SESN2: variants seen among roughly 807,000 people sequenced by gnomAD.
SESN2 encodes the protein sestrin 2.
Under a neutral mutation model 56.0 loss-of-function variants are expected in SESN2, and 42 were observed. The ratio of observed to expected loss-of-function variants is 0.75; its 90% CI spans 0.59 to 0.97. SESN2 has a LOEUF of 0.97. Ranked by LOEUF, SESN2 falls within the 50% of genes least tolerant of loss-of-function variation. SESN2 has a pLI of 0.00. For missense variants in SESN2, 507 were observed against 649.4 expected, an observed-to-expected ratio of 0.78 and a Z score of 2.38; for synonymous variants, 264 against 267.1, an observed-to-expected ratio of 0.99 and a Z score of 0.11.
intron 8 of SESN2, among the ~76,000 whole-genome samples, chr1:28,275,900 A>T (rs1285077352): frequency 6.6e-6 from 1 of 152,060 alleles, no homozygotes; most frequent in Non-Finnish European, 1.5e-5. Flanking sequence ...ACAAAAAATT[A>T]AAAAATTTGC....
At position 28,282,412 on chromosome 1, in the gene SESN2, T is replaced by G. The variant is rs553471091; in HGVS notation, c.*1610T>G. ...TGGGTGGGTAGGGAGTGGTATCCAG[T>G]GTTCAAGTGCAGAAATCTTTGGCTT... On this transcript the variant is annotated 3_prime_UTR_variant, in exon 10 of 10. Coordinates refer to ENST00000253063, the MANE Select transcript of SESN2 (RefSeq NM_031459.5). 6.6e-6 allele frequency: 1 copy of G among 152,376 alleles called. No individual in the cohort carries two copies. Among genetic ancestry groups the G allele is most frequent in the South Asian group, 2.1e-4 (1 of 4,828 alleles). 9.4% of individuals were successfully genotyped at this position (152,376 alleles called of 1,614,324 possible). A position where few individuals can be genotyped will look rare whatever the true frequency, so the allele number is the denominator to read the frequency against.
chr1:28,260,150 CCCCTCCTCCCT>C (rs1421807279), intron 1 of SESN2, among the ~76,000 whole-genome samples: 1 of 147,960 alleles, frequency 6.8e-6, no homozygotes, highest in Admixed American at 6.7e-5. Flanking sequence ...CCTCCCTCTC[CCCCTCCTCCCT>C]CCCTCTCCCC....
intron 1 of SESN2, among the ~76,000 whole-genome samples, chr1:28,268,436 T>G (rs1212159128): frequency 6.6e-6 from 1 of 151,736 alleles, no homozygotes; most frequent in Admixed American, 6.6e-5. Flanking sequence ...GAGGCTGAGG[T>G]GGGCGGATCA....
Position 28,259,602 on chromosome 1 carries a change from C to A in SESN2, c.-246C>A. Reference sequence around the variant, plus strand: ...CTGCGGACTTCCGAGGCCGTGAAAACCCCTGCGCTGCGGCCCTTCCCAGGC... The same window carrying A: ...CTGCGGACTTCCGAGGCCGTGAAAAACCCTGCGCTGCGGCCCTTCCCAGGC... On this transcript the variant is annotated 5_prime_UTR_variant, in exon 1 of 10. Transcript: ENST00000253063. 1 of 419,710 alleles carries A rather than the reference C, an allele frequency of 2.4e-6. No individual in the cohort carries two copies. The highest frequency in any genetic ancestry group is 5.3e-5 in the South Asian group (1 of 18,694). 26.0% of individuals were successfully genotyped at this position (419,710 alleles called of 1,614,324 possible).
Position 28,272,564 on chromosome 1 carries a change from C to G in SESN2, c.538-17C>G. ...CAGGCACTGAGCAGCTCTGACCTCC[C>G]CCCTTGTCCCTTCCAGGCCTTGCTG... On this transcript the variant is annotated splice_polypyrimidine_tract_variant and intron_variant, in intron 4 of 9. Transcript: ENST00000253063. 2.5e-6 allele frequency: 4 copies of G among 1,613,456 alleles called. No homozygotes were observed. The highest frequency in any genetic ancestry group is 3.4e-6 in the Non-Finnish European group (4 of 1,179,564).
intron 9 of SESN2, among the ~76,000 whole-genome samples, chr1:28,279,854 T>G (rs992906576): frequency 6.6e-6 from 1 of 151,456 alleles, no homozygotes; most frequent in Non-Finnish European, 1.5e-5. Context: ...TCTGAGCTTT[T>G]TATCCTGTTT....
At chr1:28,279,075 C>T in intron 8 of SESN2, 22 bp from the exon 9 acceptor site, 1 of 1,613,474 alleles carries the variant, frequency 6.2e-7, no homozygotes, top group Non-Finnish European at 8.5e-7. Context: ...ATGAGTAATG[C>T]TGCTGGGACC....
At chr1:28,271,330 C>CTTTT (rs1322769946) in intron 2 of SESN2, among the ~76,000 whole-genome samples, 1 of 152,198 alleles carries the variant, frequency 6.6e-6, no homozygotes, top group Non-Finnish European at 1.5e-5. Context: ...GGAGGAGAAA[C>CTTTT]TGTACTTTTA....
In SESN2 at chr1:28,281,053, T is replaced by C; in HGVS notation, c.*251T>C. On this transcript the variant is annotated 3_prime_UTR_variant, in exon 10 of 10. Transcript: ENST00000253063. ...TGGAGATCCTAAGGGACCACACCCTTCCTCCTTCCCCTGCCCACAGAGGCA... is the reference window on the plus strand; with the variant it reads ...TGGAGATCCTAAGGGACCACACCCTCCCTCCTTCCCCTGCCCACAGAGGCA... 1 of 431,422 alleles carries C rather than the reference T, an allele frequency of 2.3e-6. No individual in the cohort carries two copies. The highest frequency in any genetic ancestry group is 4.2e-6 in the Non-Finnish European group (1 of 240,048). 26.7% of individuals were successfully genotyped at this position (431,422 alleles called of 1,614,324 possible).
At chr1:28,269,971 G>C (rs1276394153) in intron 2 of SESN2, among the ~76,000 whole-genome samples, 1 of 152,200 alleles carries the variant, frequency 6.6e-6, no homozygotes, top group African/African-American at 2.4e-5. Flanking sequence ...ATTCTAGTGT[G>C]TTGGGATAGT....
In SESN2 at chr1:28,274,890, GC is replaced by G. The variant is rs1192152811; in HGVS notation, c.1087del (p.Leu363TrpfsTer51). On this transcript the variant is annotated frameshift_variant, in exon 8 of 10. Coordinates refer to ENST00000253063, the MANE Select transcript of SESN2 (RefSeq NM_031459.5). LOFTEE classifies it high-confidence loss of function. ...QRLYPEGGQL[L>X]DEKFQAAYSL... Reference sequence around the variant, plus strand: ...GGCTTTACCCTGAGGGTGGGCAGCTGCTGGATGAGAAGTTCCAGGCAGCCTA... The same window carrying G: ...GGCTTTACCCTGAGGGTGGGCAGCTGTGGATGAGAAGTTCCAGGCAGCCTA... The G allele has an allele frequency of 6.2e-7, 1 of 1,614,188 alleles. No homozygotes were observed. The highest frequency in any genetic ancestry group is 2.2e-5 in the East Asian group (1 of 44,884).
intron 1 of SESN2, among the ~76,000 whole-genome samples, chr1:28,264,250 C>T (rs779440230): frequency 2.0e-5 from 3 of 151,562 alleles, no homozygotes; most frequent in Non-Finnish European, 4.4e-5. Flanking sequence ...ACTCAGGAGG[C>T]GGAGGTTGCA....
chr1:28,267,590 G>T (rs1408331958), intron 1 of SESN2, among the ~76,000 whole-genome samples: 1 of 152,184 alleles, frequency 6.6e-6, no homozygotes, highest in African/African-American at 2.4e-5. Flanking sequence ...TCCAGTGAGA[G>T]CATGGCTCTG....
At chr1:28,273,025 G>A (rs1647846411) in intron 5 of SESN2, among the ~76,000 whole-genome samples, 1 of 152,176 alleles carries the variant, frequency 6.6e-6, no homozygotes, top group African/African-American at 2.4e-5. Context: ...GACTGACACT[G>A]TGTATATGCC....
In SESN2 at chr1:28,280,715, G is replaced by A. The variant is rs1197773560; in HGVS notation, c.1357-1G>A. The A allele has an allele frequency of 6.2e-7, 1 of 1,612,742 alleles. No individual in the cohort carries two copies. On this transcript the variant is annotated splice_acceptor_variant, in intron 9 of 9. Coordinates refer to ENST00000253063, the MANE Select transcript of SESN2 (RefSeq NM_031459.5). LOFTEE classifies it high-confidence loss of function. ...CCAACATGCCTTCCTCTGTGCCCCAGGTCCACGTGAACTTGCTGCTCCTGG... is the reference window on the plus strand; with the variant it reads ...CCAACATGCCTTCCTCTGTGCCCCAAGTCCACGTGAACTTGCTGCTCCTGG...
rs781326789 is a variant in SESN2, at chr1:28,281,170, C to G, written c.*368C>G. On this transcript the variant is annotated 3_prime_UTR_variant, in exon 10 of 10. Coordinates refer to ENST00000253063, the MANE Select transcript of SESN2 (RefSeq NM_031459.5). ...AACTGGGAAGTCCCTGGCTGGCCCC[C>G]GGGGGAGAGGGGCAAATGCCTCCGG... 3.7e-5 allele frequency: 7 copies of G among 188,414 alleles called. No homozygotes were observed. The highest frequency in any genetic ancestry group is 6.5e-5 in the Non-Finnish European group (6 of 91,660). The allele number at this position is 188,414 out of a possible 1,614,324, so 11.7% of individuals were successfully genotyped here.
intron 1 of SESN2, among the ~76,000 whole-genome samples, chr1:28,263,441 C>T (rs550212475): frequency 2.0e-5 from 3 of 152,240 alleles, no homozygotes; most frequent in Admixed American, 6.5e-5. Context: ...GCTGTATTTC[C>T]GTATCGTCTT....
At chr1:28,273,280 C>T in intron 5 of SESN2, 78 bp from the exon 6 acceptor site, 1 of 1,393,474 alleles carries the variant, frequency 7.2e-7, no homozygotes, top group South Asian at 1.5e-5. Flanking sequence ...GAAGGCCTGG[C>T]CTCTGGGAAG....
intron 8 of SESN2, among the ~76,000 whole-genome samples, chr1:28,277,446 C>G (rs1295745495): frequency 1.3e-5 from 2 of 152,130 alleles, no homozygotes. Context: ...GAACTCCTCA[C>G]CTCAAGCTAT....
Sources: allele counts gnomAD v4.1 joint callset (sites outside exome capture counted in the v4.1 genomes callset), GRCh38; gene constraint gnomAD v4.1.1; transcripts MANE v1.5; gene names NCBI Gene and HGNC (gene_info 2026-07-23, HGNC 2026-07-21).